WWTR1: variants seen among roughly 807,000 people sequenced by gnomAD.
WWTR1 encodes the protein WW domain-containing transcription regulator protein 1.
In WWTR1, 13 loss-of-function variants were observed where a neutral mutation model predicts 40.1. The ratio of observed to expected loss-of-function variants is 0.32; its 90% CI spans 0.21 to 0.52. WWTR1 has a LOEUF of 0.52. Ranked by LOEUF, WWTR1 falls within the 20% of genes least tolerant of loss-of-function variation. The pLI is 0.97. For synonymous variants in WWTR1, 230 were observed against 210.1 expected (o/e 1.09, Z -0.82); for missense variants, 436 against 523.1 (o/e 0.83, Z 1.63).
intron 2 of WWTR1, among the ~76,000 whole-genome samples, chr3:149,581,902 A>G (rs1458112726): frequency 6.6e-6 from 1 of 152,210 alleles, no homozygotes; most frequent in African/African-American, 2.4e-5. Flanking sequence ...CTACTCAGTC[A>G]GGCAGAAGCT....
At chr3:149,611,194 A>T (rs1306392904) in intron 2 of WWTR1, among the ~76,000 whole-genome samples, 4 of 151,614 alleles carry the variant, frequency 2.6e-5, no homozygotes, top group South Asian at 2.1e-4. Flanking sequence ...CTTTTTTTTT[A>T]AAAAGAAGGC....
intron 2 of WWTR1, among the ~76,000 whole-genome samples, chr3:149,619,303 G>T (rs915249060): frequency 1.3e-5 from 2 of 152,090 alleles, no homozygotes; most frequent in Non-Finnish European, 2.9e-5. Context: ...TTTCTACGAG[G>T]CAGTGTTTGT....
chr3:149,588,351 A>C (rs1485667118), intron 2 of WWTR1, among the ~76,000 whole-genome samples: 1 of 152,196 alleles, frequency 6.6e-6, no homozygotes, highest in Non-Finnish European at 1.5e-5. Context: ...CTTAATTCAG[A>C]TTTCCTTAAT....
At position 149,517,987 on chromosome 3, in the gene WWTR1, A is replaced by G. The variant is rs1449014891; in HGVS notation, c.*2818T>C. ...AAAGACAGTTATCTTATAATAAGAA[A>G]TATAGTATAAATAGCACCTTATCAA... On this transcript the variant is annotated 3_prime_UTR_variant, in exon 7 of 7. Transcript: ENST00000360632. 6.6e-6 allele frequency: 1 copy of G among 152,194 alleles called. No homozygotes were observed. The highest frequency in any genetic ancestry group is 1.5e-5 in the Non-Finnish European group (1 of 68,026). 9.4% of individuals were successfully genotyped at this position (152,194 alleles called of 1,614,324 possible). A position where few individuals can be genotyped will look rare whatever the true frequency, so the allele number is the denominator to read the frequency against.
Position 149,571,219 on chromosome 3 carries a change from T to A in WWTR1, c.568+1645A>T, listed in dbSNP as rs1430186751. 5.9e-5 allele frequency among the ~76,000 whole-genome samples: 7 copies of A among 117,746 alleles called. No homozygotes were observed. The East Asian group carries it at 8.2e-4, about 14-fold the overall frequency. The allele number at this position is 117,746 out of a possible 152,430, so 77.2% of individuals were successfully genotyped here. Reference sequence around the variant, plus strand: ...TTTGAATTTTTTTTTCTTTTCTTTTTTTTTTTTTTTTTTTTTTGTAAACTG... The same window carrying A: ...TTTGAATTTTTTTTTCTTTTCTTTTATTTTTTTTTTTTTTTTTGTAAACTG... On this transcript the variant is annotated intron_variant, in intron 3 of 6. Coordinates refer to ENST00000360632, the MANE Select transcript of WWTR1 (RefSeq NM_015472.6).
At chr3:149,522,645 C>A (rs2107897688) in intron 6 of WWTR1, among the ~76,000 whole-genome samples, 1 of 152,014 alleles carries the variant, frequency 6.6e-6, no homozygotes, top group East Asian at 1.9e-4. Context: ...CTTTTTTTCT[C>A]TTCATCTCCA....
At chr3:149,620,572 A>T (rs113003606) in intron 2 of WWTR1, among the ~76,000 whole-genome samples, 1 of 62,654 alleles carries the variant, frequency 1.6e-5, no homozygotes. Context: ...GCTCCCCCCC[A>T]CACACACACA....
intron 2 of WWTR1, among the ~76,000 whole-genome samples, chr3:149,655,725 G>A (rs564701606): frequency 1.3e-5 from 2 of 152,310 alleles, no homozygotes; most frequent in African/African-American, 4.8e-5. Flanking sequence ...GAATCAATGG[G>A]CTCACTATAG....
intron 3 of WWTR1, among the ~76,000 whole-genome samples, chr3:149,565,928 CAAAAAAAAAA>C (rs58536558): frequency 1.4e-5 from 1 of 73,476 alleles, no homozygotes; most frequent in African/African-American, 5.7e-5. Flanking sequence ...AACTCTGTCT[CAAAAAAAAAA>C]AAAAAAAAAA....
chr3:149,586,713 C>T (rs1353988462), intron 2 of WWTR1, among the ~76,000 whole-genome samples: 1 of 152,148 alleles, frequency 6.6e-6, no homozygotes, highest in Non-Finnish European at 1.5e-5. Flanking sequence ...GGGAACCAAC[C>T]ACATGGCTGG....
intron 2 of WWTR1, chr3:149,575,959 C>T: frequency 2.2e-6 from 1 of 456,712 alleles, no homozygotes; most frequent in South Asian, 1.5e-5. Flanking sequence ...GCCCACCCTT[C>T]AAACTCCACA....
intron 1 of WWTR1, among the ~76,000 whole-genome samples, chr3:149,690,918 A>C (rs1443891542): frequency 6.6e-6 from 1 of 152,206 alleles, no homozygotes; most frequent in Non-Finnish European, 1.5e-5. Context: ...CAATGGAATA[A>C]AACGAGAAAT....
intron 5 of WWTR1, among the ~76,000 whole-genome samples, chr3:149,526,496 T>C (rs1735320616): frequency 6.6e-6 from 1 of 151,996 alleles, no homozygotes; most frequent in Non-Finnish European, 1.5e-5. Flanking sequence ...GTCTGTGTGA[T>C]GGACACACGC....
rs545429430 is a variant in WWTR1 at position 149,563,942 on chromosome 3, C to T, written c.568+8922G>A. On this transcript the variant is annotated intron_variant, in intron 3 of 6. Coordinates refer to ENST00000360632, the MANE Select transcript of WWTR1 (RefSeq NM_015472.6). Reference sequence around the variant, plus strand: ...AATTTTTTTGTGTTTTTGGTGGAGACGGGGTTTCGCCATGTTGGCCAGGCT... The same window carrying T: ...AATTTTTTTGTGTTTTTGGTGGAGATGGGGTTTCGCCATGTTGGCCAGGCT... Among the ~76,000 whole-genome samples, 9 of 152,146 alleles carry T rather than the reference C, an allele frequency of 5.9e-5. No individual in the cohort carries two copies. In the East Asian group the frequency reaches 1.4e-3, roughly 23 times the overall value.
At chr3:149,593,717 T>C (rs1034876320) in intron 2 of WWTR1, among the ~76,000 whole-genome samples, 4 of 152,178 alleles carry the variant, frequency 2.6e-5, no homozygotes, top group African/African-American at 9.7e-5. Flanking sequence ...TTGGATGAAA[T>C]CCCAATTCTA....
chr3:149,663,197 A>G (rs1713659537), intron 2 of WWTR1, among the ~76,000 whole-genome samples: 2 of 151,802 alleles, frequency 1.3e-5, no homozygotes, highest in Non-Finnish European at 2.9e-5. Flanking sequence ...CACGCCAGCT[A>G]ATTTTTGTAT....
At chr3:149,618,292 C>T (rs1214563508) in intron 2 of WWTR1, among the ~76,000 whole-genome samples, 1 of 152,202 alleles carries the variant, frequency 6.6e-6, no homozygotes, top group African/African-American at 2.4e-5. Flanking sequence ...CAATGTCTTG[C>T]AGCCAACAGA....
chr3:149,717,575 G>A (rs1715644342), intron 4 of WWTR1: 1 of 152,190 alleles, frequency 6.6e-6, no homozygotes, highest in South Asian at 2.1e-4. Flanking sequence ...TCCTGCAGTG[G>A]AGGGAAAAAG....
upstream of WWTR1, among the ~76,000 whole-genome samples, chr3:149,661,575 C>A (rs1713577593): frequency 6.6e-6 from 1 of 151,962 alleles, no homozygotes; most frequent in Non-Finnish European, 1.5e-5. Context: ...ACGTGCACCA[C>A]CACGCCTGGC....
Sources: allele counts gnomAD v4.1 joint callset (sites outside exome capture counted in the v4.1 genomes callset), GRCh38; gene constraint gnomAD v4.1.1; transcripts MANE v1.5; gene names NCBI Gene and HGNC (gene_info 2026-07-23, HGNC 2026-07-21).